The following COXFA4 variants were observed in gnomAD, a reference collection of about 807,000 sequenced individuals.
COXFA4 encodes the protein cytochrome c oxidase subunit FA4.
At chr7:10,939,926 T>C in the COXFA4 span, 3 of 1,456,766 alleles carry the variant, frequency 2.1e-6, no homozygotes, top group Non-Finnish European at 2.9e-6. Context: ...TAAGTGGCTG[T>C]AAATGAGGAC....
the COXFA4 span, among the ~76,000 whole-genome samples, chr7:10,934,017 CG>C: frequency 1.3e-5 from 2 of 152,194 alleles, no homozygotes; most frequent in South Asian, 2.1e-4. Context: ...ACTTCCAATT[CG>C]GTAAGTTTTT....
the COXFA4 span, chr7:10,932,577 T>C: frequency 6.6e-6 from 1 of 152,236 alleles, no homozygotes; most frequent in East Asian, 1.9e-4. Flanking sequence ...TGTCACTGAA[T>C]TCCTCAAGTT....
chr7:10,935,389 T>A, the COXFA4 span, among the ~76,000 whole-genome samples: 1 of 152,240 alleles, frequency 6.6e-6, no homozygotes, highest in Non-Finnish European at 1.5e-5. Context: ...TGTTATTCAG[T>A]TGAGAAGTAT....
the COXFA4 span, chr7:10,939,101 G>A: frequency 6.0e-6 from 3 of 497,594 alleles, no homozygotes; most frequent in Non-Finnish European, 1.1e-5. Flanking sequence ...ATTTGGAAAG[G>A]ATGTTAAGAT....
At chr7:10,933,809 AAAG>A in the COXFA4 span, 1 of 725,088 alleles carries the variant, frequency 1.4e-6, no homozygotes, top group Non-Finnish European at 2.3e-6. Flanking sequence ...TGAATTTTTA[AAAG>A]AATATTTAAC....
At chr7:10,936,646 A>G in the COXFA4 span, among the ~76,000 whole-genome samples, 7 of 152,108 alleles carry the variant, frequency 4.6e-5, no homozygotes, top group African/African-American at 1.7e-4. Flanking sequence ...TTGCATTTTT[A>G]TTTTCTTCTT....
the COXFA4 span, chr7:10,933,434 C>T: frequency 3.6e-6 from 2 of 552,180 alleles, no homozygotes; most frequent in African/African-American, 1.9e-5. Flanking sequence ...AGCATACTTT[C>T]AGCATAAAAA....
At chr7:10,934,414 A>T in the COXFA4 span, among the ~76,000 whole-genome samples, 2 of 150,030 alleles carry the variant, frequency 1.3e-5, no homozygotes, top group South Asian at 4.2e-4. Flanking sequence ...TCAGTAACTT[A>T]AAAAAAAATG....
the COXFA4 span, chr7:10,938,786 T>C: frequency 1.3e-6 from 2 of 1,593,382 alleles, no homozygotes; most frequent in African/African-American, 2.7e-5. Context: ...TATCAAAGTT[T>C]TAAACATTTT....
the COXFA4 span, among the ~76,000 whole-genome samples, chr7:10,936,281 G>T: frequency 6.6e-6 from 1 of 152,152 alleles, no homozygotes; most frequent in Non-Finnish European, 1.5e-5. Flanking sequence ...CAGCTATGTT[G>T]TTACAGCAAC....
At chr7:10,938,441 A>C in the COXFA4 span, 1 of 448,026 alleles carries the variant, frequency 2.2e-6, no homozygotes, top group African/African-American at 1.9e-5. Flanking sequence ...AATAATGATG[A>C]ATCAATCTTT....
At chr7:10,939,113 A>G in the COXFA4 span, 1 of 478,338 alleles carries the variant, frequency 2.1e-6, no homozygotes, top group South Asian at 2.2e-5. Context: ...TGTTAAGATG[A>G]CTCTGGTTTA....
chr7:10,938,773 A>G, the COXFA4 span: 1 of 1,521,578 alleles, frequency 6.6e-7, no homozygotes, highest in Non-Finnish European at 9.1e-7. Context: ...TGCCTTGATC[A>G]GCTATCAAAG....
chr7:10,938,629 T>C, the COXFA4 span: 2 of 560,368 alleles, frequency 3.6e-6, no homozygotes, highest in African/African-American at 3.8e-5. Context: ...TCAGAGAAAT[T>C]AGATAATTTC....
the COXFA4 span, among the ~76,000 whole-genome samples, chr7:10,937,122 G>A: frequency 6.6e-5 from 10 of 152,036 alleles, no homozygotes; most frequent in Non-Finnish European, 1.0e-4. Context: ...CACACTGATC[G>A]GGGACCCTGT....
the COXFA4 span, chr7:10,939,977 G>A: frequency 3.7e-6 from 6 of 1,612,294 alleles, no homozygotes; most frequent in Admixed American, 1.7e-5. Flanking sequence ...GACGCAAGAA[G>A]GACAAGGGAA....
At chr7:10,936,456 TTTTG>T in the COXFA4 span, among the ~76,000 whole-genome samples, 30 of 152,348 alleles carry the variant, frequency 2.0e-4, no homozygotes, top group Non-Finnish European at 3.1e-4. Flanking sequence ...CTGCTAGTTT[TTTTG>T]TTTGTTTGTT....
chr7:10,939,673 T>C, the COXFA4 span: 660 of 383,256 alleles, frequency 1.7e-3, 5 homozygotes, highest in African/African-American at 0.013. Flanking sequence ...TGACCTATGC[T>C]AGTCTCTGAC....
chr7:10,940,114 T>C, the COXFA4 span: 1 of 1,566,338 alleles, frequency 6.4e-7, no homozygotes, highest in Non-Finnish European at 8.8e-7. Context: ...CACCAGGCCC[T>C]AAGCTAAAAA....
Sources: allele counts gnomAD v4.1 joint callset (sites outside exome capture counted in the v4.1 genomes callset), GRCh38; gene constraint gnomAD v4.1.1; transcripts MANE v1.5; gene names NCBI Gene and HGNC (gene_info 2026-07-23, HGNC 2026-07-21).